The following GPC5 variants were observed in gnomAD, a reference collection of about 807,000 sequenced individuals.
The protein encoded by GPC5 is glypican-5.
Under a neutral mutation model 53.9 loss-of-function variants are expected in GPC5, and 47 were observed. That is an observed-to-expected ratio of 0.87 (90% CI 0.69 to 1.11). The LOEUF (loss-of-function observed/expected upper bound fraction) is 1.11, where lower values mean the gene tolerates loss of function less well. Ranked by LOEUF, GPC5 falls within the 50% of genes most tolerant of loss-of-function variation. The pLI is 0.00. For synonymous variants in GPC5, 286 were observed against 263.3 expected, an observed-to-expected ratio of 1.09 and a Z score of -0.84; for missense variants, 748 against 713.1, an observed-to-expected ratio of 1.05 and a Z score of -0.56.
At chr13:92,341,073 A>ATG (rs1416455311) in intron 7 of GPC5, among the ~76,000 whole-genome samples, 1 of 152,152 alleles carries the variant, frequency 6.6e-6, no homozygotes, top group Non-Finnish European at 1.5e-5. Flanking sequence ...TGCTGGCAAC[A>ATG]TGATGAAAAT....
chr13:91,981,295 T>C (rs2040355389), intron 6 of GPC5, among the ~76,000 whole-genome samples: 1 of 126,870 alleles, frequency 7.9e-6, no homozygotes, highest in Non-Finnish European at 1.5e-5. Context: ...TTCTTACCTT[T>C]TTTTTTTTTT....
At chr13:91,657,398 C>G (rs1419849855) in intron 2 of GPC5, among the ~76,000 whole-genome samples, 1 of 152,076 alleles carries the variant, frequency 6.6e-6, no homozygotes, top group African/African-American at 2.4e-5. Flanking sequence ...TAGATCTCAA[C>G]TGGGGACAAT....
At chr13:91,600,381 A>G (rs1009310859) in intron 2 of GPC5, among the ~76,000 whole-genome samples, 1 of 151,960 alleles carries the variant, frequency 6.6e-6, no homozygotes, top group Non-Finnish European at 1.5e-5. Context: ...AGACATGTAT[A>G]TAAAGACATG....
chr13:91,829,851 T>C (rs2038628769), intron 5 of GPC5, among the ~76,000 whole-genome samples: 2 of 152,004 alleles, frequency 1.3e-5, no homozygotes, highest in South Asian at 4.1e-4. Flanking sequence ...GAATAGGGTG[T>C]GGGTCACAGA....
intron 7 of GPC5, among the ~76,000 whole-genome samples, chr13:92,441,843 T>C (rs1459187060): frequency 1.3e-5 from 2 of 152,122 alleles, no homozygotes; most frequent in East Asian, 1.9e-4. Flanking sequence ...TACTCTAAAA[T>C]TCATATGGAA....
chr13:91,903,835 G>T (rs1461620793), intron 5 of GPC5, among the ~76,000 whole-genome samples: 12 of 152,010 alleles, frequency 7.9e-5, no homozygotes, highest in Admixed American at 2.0e-4. Context: ...AGGTAAGCAG[G>T]TAAGCAATTC....
chr13:91,495,848 C>T (rs536028267), intron 2 of GPC5, among the ~76,000 whole-genome samples: 2 of 152,120 alleles, frequency 1.3e-5, no homozygotes, highest in South Asian at 2.1e-4. Context: ...CAGGGTGAAA[C>T]CCCGTTTCTA....
At chr13:92,222,589 C>A (rs2042457730) in intron 7 of GPC5, among the ~76,000 whole-genome samples, 1 of 152,084 alleles carries the variant, frequency 6.6e-6, no homozygotes, top group African/African-American at 2.4e-5. Flanking sequence ...TTCTTGCCAT[C>A]CTTAAGATTT....
intron 2 of GPC5, among the ~76,000 whole-genome samples, chr13:91,680,120 CA>C (rs1185363805): frequency 1.3e-5 from 2 of 152,150 alleles, no homozygotes; most frequent in African/African-American, 4.8e-5. Flanking sequence ...AGAAAACTTA[CA>C]TCCATCACCA....
chr13:91,547,143 T>C (rs1006174081), intron 2 of GPC5, among the ~76,000 whole-genome samples: 4 of 151,998 alleles, frequency 2.6e-5, no homozygotes, highest in Non-Finnish European at 5.9e-5. Flanking sequence ...GAAGTAGAGA[T>C]GCTGAATTGA....
At chr13:91,780,103 T>C (rs1265034199) in intron 5 of GPC5, among the ~76,000 whole-genome samples, 1 of 152,200 alleles carries the variant, frequency 6.6e-6, no homozygotes, top group East Asian at 1.9e-4. Context: ...TGCACTATGA[T>C]GTTATAAAGG....
chr13:92,570,745 G>A (rs1379520153), intron 7 of GPC5, among the ~76,000 whole-genome samples: 1 of 151,704 alleles, frequency 6.6e-6, no homozygotes, highest in South Asian at 2.1e-4. Flanking sequence ...CAAAAGAAAG[G>A]GTGTCTGAAT....
intron 7 of GPC5, among the ~76,000 whole-genome samples, chr13:92,295,785 A>AT (rs1473407233): frequency 1.3e-5 from 2 of 152,054 alleles, no homozygotes; most frequent in Admixed American, 6.5e-5. Flanking sequence ...ACTCCTGCTC[A>AT]TTTTTGGTGT....
At chr13:92,202,785 A>C (rs1185481750) in intron 7 of GPC5, among the ~76,000 whole-genome samples, 1 of 152,188 alleles carries the variant, frequency 6.6e-6, no homozygotes, top group East Asian at 1.9e-4. Flanking sequence ...GATATAAACT[A>C]AATTATCCCA....
intron 7 of GPC5, among the ~76,000 whole-genome samples, chr13:92,775,175 C>A (rs1196735565): frequency 1.3e-5 from 2 of 152,104 alleles, no homozygotes; most frequent in East Asian, 3.9e-4. Flanking sequence ...GTGATACAAA[C>A]AAAACAGAGC....
intron 7 of GPC5, among the ~76,000 whole-genome samples, chr13:92,742,206 G>A (rs1169996514): frequency 2.6e-5 from 4 of 151,206 alleles, no homozygotes; most frequent in African/African-American, 9.7e-5. Context: ...CACCAACAGT[G>A]TAAAAGTGTT....
At chr13:92,237,834 C>T (rs562177201) in intron 7 of GPC5, among the ~76,000 whole-genome samples, 3 of 152,116 alleles carry the variant, frequency 2.0e-5, no homozygotes, top group East Asian at 1.9e-4. Context: ...CCACCTCATT[C>T]CCAGTACTAG....
chr13:92,668,339 A>G (rs1886640172), intron 7 of GPC5, among the ~76,000 whole-genome samples: 1 of 152,152 alleles, frequency 6.6e-6, no homozygotes, highest in African/African-American at 2.4e-5. Context: ...TGGGAAGACT[A>G]AAAGATTTCA....
chr13:91,569,948 G>C (rs763367209), intron 2 of GPC5, among the ~76,000 whole-genome samples: 7 of 152,136 alleles, frequency 4.6e-5, no homozygotes, highest in Non-Finnish European at 8.8e-5. Context: ...CCATTCTCAT[G>C]TATTTTGTTA....
Sources: allele counts gnomAD v4.1 joint callset (sites outside exome capture counted in the v4.1 genomes callset), GRCh38; gene constraint gnomAD v4.1.1; transcripts MANE v1.5; gene names NCBI Gene and HGNC (gene_info 2026-07-23, HGNC 2026-07-21).